Variants in PPP1R16B observed in about 807,000 individuals in gnomAD.
The protein encoded by PPP1R16B is protein phosphatase 1 regulatory inhibitor subunit 16B.
In PPP1R16B, 14 loss-of-function variants were observed where a neutral mutation model predicts 61.7. The ratio of observed to expected loss-of-function variants is 0.23; its 90% CI spans 0.15 to 0.35. The LOEUF is 0.35. Among genes scored for constraint, PPP1R16B ranks in the 10% least tolerant of loss-of-function variants. The pLI is 1.00. For missense variants in PPP1R16B, 547 were observed against 752.5 expected, an observed-to-expected ratio of 0.73 and a Z score of 3.19; for synonymous variants, 266 against 305.3, an observed-to-expected ratio of 0.87 and a Z score of 1.34.
Position 38,921,033 on chromosome 20 carries a change from C to T in PPP1R16B, c.*2367C>T, listed in dbSNP as rs1008703665. 6.6e-6 allele frequency: 1 copy of T among 152,260 alleles called. No individual in the cohort carries two copies. Among genetic ancestry groups the T allele is most frequent in the Non-Finnish European group, 1.5e-5 (1 of 68,070 alleles). 9.4% of individuals were successfully genotyped at this position (152,260 alleles called of 1,614,324 possible). A position where few individuals can be genotyped will look rare whatever the true frequency, so the allele number is the denominator to read the frequency against. The stretch of plus-strand genomic sequence containing the variant: ...ACACTGAAGGCACGTACTGCCCAAC[C>T]CACTGAGCGCCTGAGGCCATTCCCT... On this transcript the variant is annotated 3_prime_UTR_variant, in exon 11 of 11. Transcript: ENST00000299824.
chr20:38,868,525 C>T (rs2085104994), intron 2 of PPP1R16B, among the ~76,000 whole-genome samples: 1 of 152,076 alleles, frequency 6.6e-6, no homozygotes, highest in Non-Finnish European at 1.5e-5. Flanking sequence ...GCTGGGATTA[C>T]AGGCACATGC....
At chr20:38,897,639 G>T (rs2085360023) in intron 4 of PPP1R16B, among the ~76,000 whole-genome samples, 1 of 152,216 alleles carries the variant, frequency 6.6e-6, no homozygotes, top group Non-Finnish European at 1.5e-5. Context: ...TTGCTGGATT[G>T]TATGGTAATG....
chr20:38,879,002 C>T (rs1006644931), intron 2 of PPP1R16B, among the ~76,000 whole-genome samples: 2 of 152,094 alleles, frequency 1.3e-5, no homozygotes, highest in Admixed American at 1.3e-4. Context: ...GGAGAGCTCC[C>T]GGACGGCCAG....
intron 2 of PPP1R16B, among the ~76,000 whole-genome samples, chr20:38,862,575 A>G (rs1326600772): frequency 6.6e-6 from 1 of 152,232 alleles, no homozygotes; most frequent in African/African-American, 2.4e-5. Flanking sequence ...CAGAAATAAA[A>G]TCACTGTCTG....
intron 2 of PPP1R16B, among the ~76,000 whole-genome samples, chr20:38,849,685 CAA>C (rs112050000): frequency 4.2e-4 from 30 of 72,128 alleles, no homozygotes; most frequent in Non-Finnish European, 8.1e-4. Flanking sequence ...ACAACAACAA[CAA>C]AAAAAAAACA....
chr20:38,913,018 C>T (rs190692709), intron 10 of PPP1R16B, among the ~76,000 whole-genome samples: 106 of 152,204 alleles, frequency 7.0e-4, no homozygotes, highest in African/African-American at 2.3e-3. Flanking sequence ...TACAGGCACC[C>T]GCCACCATGC....
At chr20:38,827,678 A>G (rs1467994485) in intron 1 of PPP1R16B, among the ~76,000 whole-genome samples, 1 of 152,226 alleles carries the variant, frequency 6.6e-6, no homozygotes, top group Non-Finnish European at 1.5e-5. Context: ...TCAGTCCACA[A>G]AAATCCCATG....
intron 2 of PPP1R16B, among the ~76,000 whole-genome samples, chr20:38,881,672 A>G (rs1051153808): frequency 6.6e-6 from 1 of 152,204 alleles, no homozygotes; most frequent in South Asian, 2.1e-4. Flanking sequence ...TTCATTTGCA[A>G]ATATAGTAAC....
At chr20:38,866,032 G>A (rs2085088039) in intron 2 of PPP1R16B, among the ~76,000 whole-genome samples, 1 of 152,026 alleles carries the variant, frequency 6.6e-6, no homozygotes, top group African/African-American at 2.4e-5. Flanking sequence ...GCTGGGGCAG[G>A]AGAATTGCTT....
In PPP1R16B at chr20:38,835,991, G is replaced by T. The variant is rs1404240138; in HGVS notation, c.66G>T (p.Arg22=). The change falls in exon 2 of 11, where the codon CGG becomes CGT. Residue 22 remains arginine, a synonymous_variant. Transcript: ENST00000299824. ...QLLEKVPTLE[R]LRAAQKRRAQ... ...TGGAGAAGGTGCCCACGCTGGAGCGGCTGCGGGCTGCCCAGAAGCGCCGGG... is the reference window on the plus strand; with the variant it reads ...TGGAGAAGGTGCCCACGCTGGAGCGTCTGCGGGCTGCCCAGAAGCGCCGGG... The T allele has an allele frequency of 6.4e-7, 1 of 1,562,482 alleles. No homozygotes were observed. Among genetic ancestry groups the T allele is most frequent in the East Asian group, 2.4e-5 (1 of 41,696 alleles).
rs757055951 is a variant in PPP1R16B at position 38,906,968 on chromosome 20, C to A, written c.823-11C>A. 20 of 1,611,396 alleles carry A rather than the reference C, an allele frequency of 1.2e-5. No individual in the cohort carries two copies. The highest frequency in any genetic ancestry group is 2.7e-5 in the African/African-American group (2 of 74,882). On this transcript the variant is annotated splice_polypyrimidine_tract_variant and intron_variant, in intron 7 of 10. Coordinates refer to ENST00000299824, the MANE Select transcript of PPP1R16B (RefSeq NM_015568.4). Reference sequence around the variant, plus strand: ...GGCAGGGGGACACATGAGCTTCTTCCTGTGTTTCAGATGCAGATGGCAGAG... The same window carrying A: ...GGCAGGGGGACACATGAGCTTCTTCATGTGTTTCAGATGCAGATGGCAGAG...
At chr20:38,902,368 T>C (rs562017560) in intron 5 of PPP1R16B, among the ~76,000 whole-genome samples, 1 of 152,284 alleles carries the variant, frequency 6.6e-6, no homozygotes, top group African/African-American at 2.4e-5. Context: ...GAGGCAGCCA[T>C]CTGAGCAGTT....
At chr20:38,908,407 C>T (rs1018963279) in intron 10 of PPP1R16B, among the ~76,000 whole-genome samples, 1 of 152,128 alleles carries the variant, frequency 6.6e-6, no homozygotes, top group East Asian at 1.9e-4. Context: ...AGGAGGTGAT[C>T]GGGGAGTGTG....
At chr20:38,826,866 T>C (rs1221190124) in intron 1 of PPP1R16B, among the ~76,000 whole-genome samples, 1 of 152,256 alleles carries the variant, frequency 6.6e-6, no homozygotes, top group East Asian at 1.9e-4. Flanking sequence ...TGTTGAATTA[T>C]CACTGTTAGA....
rs550711807 is a variant in PPP1R16B at position 38,895,600 on chromosome 20, G to A, written c.357G>A (p.Leu119=). ...ACAACTTTGAGGAAATTGTGAAGCT[G>A]CTCCTCTCCCATGGTGCCAATGTGA... ...CIDNFEEIVK[L]LLSHGANVNA... Residue 119 remains leucine, a synonymous_variant, in exon 4 of 11, where the codon CTG becomes CTA. Transcript: ENST00000299824. 2.0e-5 allele frequency: 33 copies of A among 1,613,750 alleles called. No homozygotes were observed. In the South Asian group the frequency reaches 3.6e-4, roughly 18 times the overall value.
chr20:38,841,050 A>G (rs188134436), intron 2 of PPP1R16B, among the ~76,000 whole-genome samples: 1 of 152,258 alleles, frequency 6.6e-6, no homozygotes, highest in Admixed American at 6.5e-5. Flanking sequence ...AGCTTGCCTT[A>G]CATATGTTAT....
intron 2 of PPP1R16B, among the ~76,000 whole-genome samples, chr20:38,857,315 A>T (rs1292662182): frequency 1.3e-5 from 2 of 152,256 alleles, no homozygotes; most frequent in Non-Finnish European, 2.9e-5. Flanking sequence ...GATCATCTAG[A>T]TACTTGGAAA....
At chr20:38,831,459 A>G (rs1284869938) in intron 1 of PPP1R16B, among the ~76,000 whole-genome samples, 2 of 152,134 alleles carry the variant, frequency 1.3e-5, no homozygotes, top group South Asian at 2.1e-4. Flanking sequence ...TCTTGTTCAG[A>G]GTGGAGCTCT....
intron 10 of PPP1R16B, among the ~76,000 whole-genome samples, chr20:38,917,872 C>G (rs1347182271): frequency 1.3e-5 from 2 of 152,134 alleles, no homozygotes; most frequent in Non-Finnish European, 2.9e-5. Flanking sequence ...TTCACTGAAG[C>G]AATTTCAGTT....
Sources: allele counts gnomAD v4.1 joint callset (sites outside exome capture counted in the v4.1 genomes callset), GRCh38; gene constraint gnomAD v4.1.1; transcripts MANE v1.5; gene names NCBI Gene and HGNC (gene_info 2026-07-23, HGNC 2026-07-21).